The following LHX5 variants were observed in gnomAD, a reference collection of about 807,000 sequenced individuals.
LHX5 encodes LIM homeobox 5.
In LHX5, 5 loss-of-function variants were observed where a neutral mutation model predicts 30.6. The observed-to-expected ratio is 0.16, with a 90% CI of 0.09 to 0.34. The LOEUF is 0.34. Among genes scored for constraint, LHX5 ranks in the 10% least tolerant of loss-of-function variants. The pLI, the probability that LHX5 is intolerant of heterozygous loss-of-function variation, is 1.00. For missense variants in LHX5, 458 were observed against 570.6 expected (o/e 0.80, Z 2.01); for synonymous variants, 266 against 252.6 (o/e 1.05, Z -0.50).
Position 113,465,451 on chromosome 12 carries a change from C to G in LHX5, c.841+1805G>C, listed in dbSNP as rs1958207731. Among the ~76,000 whole-genome samples, 1 of 152,222 alleles carries G rather than the reference C, an allele frequency of 6.6e-6. No homozygotes were observed. The highest frequency in any genetic ancestry group is 1.5e-5 in the Non-Finnish European group (1 of 68,032). ...CCGCAGCTGGGGCTTTGTCCGCGCT[C>G]CCACGGGGAGCCGCCGGCCCCGCCG... On this transcript the variant is annotated intron_variant, in intron 4 of 4. Transcript: ENST00000261731. The surrounding 1 kb of genome is among the most constrained non-coding windows in gnomAD (Gnocchi z 6.7).
rs1194679332 is a variant in LHX5, at chr12:113,469,382, C to T, written c.174-37G>A. On this transcript the variant is annotated intron_variant, in intron 1 of 4. Coordinates refer to ENST00000261731, the MANE Select transcript of LHX5 (RefSeq NM_022363.3). Reference sequence around the variant, plus strand: ...ATGTGCCTGTCACTATGGGGTGGGACTGCATCCAGCCCTCCCCAGCCCCTG... The same window carrying T: ...ATGTGCCTGTCACTATGGGGTGGGATTGCATCCAGCCCTCCCCAGCCCCTG... 3 of 1,572,974 alleles carry T rather than the reference C, an allele frequency of 1.9e-6. No individual in the cohort carries two copies. The Admixed American group carries it at 5.1e-5, about 27-fold the overall frequency.
In LHX5 at chr12:113,471,495, T is replaced by A; in HGVS notation, c.4A>T (p.Met2Leu). The A allele has an allele frequency of 6.3e-7, 1 of 1,597,286 alleles. No individual in the cohort carries two copies. Among genetic ancestry groups the A allele is most frequent in the Non-Finnish European group, 8.5e-7 (1 of 1,171,868 alleles). Residue 2 changes from methionine (M) to leucine (L), a missense_variant, in exon 1 of 5, where the codon ATG (methionine) becomes TTG (leucine). Physicochemically the swap from Met to Leu is conservative, Grantham distance 15. Transcript: ENST00000261731. M[M>L]VHCAGCERPI... ...CGCTCGCAACCGGCGCAGTGCACCA[T>A]CATAGCCCCGCGCCCCGGCGGCTTC...
In LHX5 at chr12:113,468,352, C is replaced by G; in HGVS notation, c.450G>C (p.Gln150His). The G allele has an allele frequency of 6.2e-7, 1 of 1,614,120 alleles. No homozygotes were observed. Among genetic ancestry groups the G allele is most frequent in the Non-Finnish European group, 8.5e-7 (1 of 1,179,962 alleles). The change falls in exon 3 of 5, where the codon CAG (glutamine) becomes CAC (histidine). Residue 150 changes from glutamine to histidine, a missense_variant. By Grantham distance (24) the Gln-to-His change is conservative. This residue lies in a region of LHX5 where 178 missense variants were observed against 238.5 expected (regional missense o/e 0.75). Coordinates refer to ENST00000261731, the MANE Select transcript of LHX5 (RefSeq NM_022363.3). ...SLSPDLQDAL[Q>H]DDPKETDNST... ...AGTTGTCCGTCTCTTTGGGGTCGTC[C>G]TGCAGTGCGTCCTGGAGGTCCGGGG...
Position 113,462,853 on chromosome 12 carries a change from C to T in LHX5, c.*337G>A. On this transcript the variant is annotated 3_prime_UTR_variant, in exon 5 of 5. Transcript: ENST00000261731. The stretch of plus-strand genomic sequence containing the variant: ...TCTCAGTCCAAAGAGGTGGCGGTGG[C>T]TGGGTGGGTGGGTGGGGGCCCGGGG... The T allele has an allele frequency of 1.5e-5, 1 of 68,936 alleles. No individual in the cohort carries two copies. The highest frequency in any genetic ancestry group is 2.2e-4 in the South Asian group (1 of 4,562). 4.3% of individuals were successfully genotyped at this position (68,936 alleles called of 1,614,324 possible).
At position 113,468,404 on chromosome 12, in the gene LHX5, A is replaced by C; in HGVS notation, c.398T>G (p.Val133Gly). The change falls in exon 3 of 5, where the codon GTG becomes GGG. Residue 133 changes from valine (V) to glycine (G), a missense_variant and splice_region_variant. Coordinates refer to ENST00000261731, the MANE Select transcript of LHX5 (RefSeq NM_022363.3). Reference protein sequence around the residue: ...SSLKEGSLNSVSSCTDRSLSP... With the variant: ...SSLKEGSLNSGSSCTDRSLSP... ...CAAACTGCGGTCCGTACAGGATGAC[A>C]CTGCGGGCGGACGGATCGGGAAGGG... 4 of 1,605,728 alleles carry C rather than the reference A, an allele frequency of 2.5e-6. No homozygotes were observed. Among genetic ancestry groups the C allele is most frequent in the Non-Finnish European group, 3.4e-6 (4 of 1,173,482 alleles).
rs959579032 is a variant in LHX5 at position 113,467,234 on chromosome 12, C to T, written c.841+22G>A. The stretch of plus-strand genomic sequence containing the variant: ...CCGGAATAGGACAGGTGCGGAACAG[C>T]GAATCCCGGGGCGCCCCTTACCTCC... On this transcript the variant is annotated intron_variant, in intron 4 of 4. Coordinates refer to ENST00000261731, the MANE Select transcript of LHX5 (RefSeq NM_022363.3). The surrounding 1 kb of genome is among the most constrained non-coding windows in gnomAD (Gnocchi z 6.3). 1.4e-6 allele frequency: 2 copies of T among 1,425,302 alleles called. No individual in the cohort carries two copies. The highest frequency in any genetic ancestry group is 1.9e-6 in the Non-Finnish European group (2 of 1,077,702). The allele number at this position is 1,425,302 out of a possible 1,614,324, so 88.3% of individuals were successfully genotyped here. A position where few individuals can be genotyped will look rare whatever the true frequency, so the allele number is the denominator to read the frequency against.
rs1958193650 is a variant in LHX5 at position 113,463,701 on chromosome 12, C to T, written c.842-144G>A. The T allele has an allele frequency of 1.2e-6, 1 of 829,908 alleles. No homozygotes were observed. Among genetic ancestry groups the T allele is most frequent in the Non-Finnish European group, 1.8e-6 (1 of 554,706 alleles). 51.4% of individuals were successfully genotyped at this position (829,908 alleles called of 1,614,324 possible). On this transcript the variant is annotated intron_variant, in intron 4 of 4. Coordinates refer to ENST00000261731, the MANE Select transcript of LHX5 (RefSeq NM_022363.3). This position sits in a 1 kb window ranked among gnomAD's most constrained non-coding sequence, Gnocchi z 6.7. Reference sequence around the variant, plus strand: ...CCAAGGTTAGAGAGACCTGCGGAGGCCGGCGCCCCTTGAGACGGTGGACGT... The same window carrying T: ...CCAAGGTTAGAGAGACCTGCGGAGGTCGGCGCCCCTTGAGACGGTGGACGT...
rs1006682823 is a variant in LHX5 at position 113,467,606 on chromosome 12, G to A, written c.676-185C>T. Among the ~76,000 whole-genome samples, 3 of 152,244 alleles carry A rather than the reference G, an allele frequency of 2.0e-5. No homozygotes were observed. The highest frequency in any genetic ancestry group is 7.2e-5 in the African/African-American group (3 of 41,474). On this transcript the variant is annotated intron_variant, in intron 3 of 4. Coordinates refer to ENST00000261731, the MANE Select transcript of LHX5 (RefSeq NM_022363.3). This position sits in a 1 kb window ranked among gnomAD's most constrained non-coding sequence, Gnocchi z 6.3. ...AGAGAGGCTTCGGCGAACCAGCCAAGGGTGAAGGATTTCGCGGACCCGTGG... is the reference window on the plus strand; with the variant it reads ...AGAGAGGCTTCGGCGAACCAGCCAAAGGTGAAGGATTTCGCGGACCCGTGG...
In LHX5 at chr12:113,463,156, C is replaced by T. The variant is rs1305662041; in HGVS notation, c.*34G>A. 57 of 1,468,664 alleles carry T rather than the reference C, an allele frequency of 3.9e-5. No homozygotes were observed. Among genetic ancestry groups the T allele is most frequent in the Non-Finnish European group, 4.9e-5 (55 of 1,120,462 alleles). The allele number at this position is 1,468,664 out of a possible 1,614,324, so 91.0% of individuals were successfully genotyped here. ...AGGAGGCTGCTTCGGGGCGGGGCCC[C>T]CGGGGGCCGAGCGCGGGGGGCGGCC... On this transcript the variant is annotated 3_prime_UTR_variant, in exon 5 of 5. Coordinates refer to ENST00000261731, the MANE Select transcript of LHX5 (RefSeq NM_022363.3). The surrounding 1 kb of genome is among the most constrained non-coding windows in gnomAD (Gnocchi z 6.7).
In LHX5 at chr12:113,463,178, G is replaced by A; in HGVS notation, c.*12C>T. 6.7e-7 allele frequency: 1 copy of A among 1,493,954 alleles called. No homozygotes were observed. The highest frequency in any genetic ancestry group is 8.8e-7 in the Non-Finnish European group (1 of 1,130,862). 92.5% of individuals were successfully genotyped at this position (1,493,954 alleles called of 1,614,324 possible). A position where few individuals can be genotyped will look rare whatever the true frequency, so the allele number is the denominator to read the frequency against. Reference sequence around the variant, plus strand: ...CCCCCGGGGGCCGAGCGCGGGGGGCGGCCCGGCGGCCTTACCACACGGCGG... The same window carrying A: ...CCCCCGGGGGCCGAGCGCGGGGGGCAGCCCGGCGGCCTTACCACACGGCGG... On this transcript the variant is annotated 3_prime_UTR_variant, in exon 5 of 5. Transcript: ENST00000261731. This position sits in a 1 kb window ranked among gnomAD's most constrained non-coding sequence, Gnocchi z 6.7.
chr12:113,471,265 G>A, intron 1 of LHX5, 61 bp downstream of exon 1: 6 of 1,570,010 alleles, frequency 3.8e-6, no homozygotes, highest in Non-Finnish European at 4.4e-6. Context: ...CCCTTCCCCA[G>A]CGCCCCAGTG....
Position 113,464,121 on chromosome 12 carries a change from G to C in LHX5, c.842-564C>G, listed in dbSNP as rs1256586370. On this transcript the variant is annotated intron_variant, in intron 4 of 4. Coordinates refer to ENST00000261731, the MANE Select transcript of LHX5 (RefSeq NM_022363.3). This position sits in a 1 kb window ranked among gnomAD's most constrained non-coding sequence, Gnocchi z 6.2. Reference sequence around the variant, plus strand: ...CGCGGAGGAGTCGAGGAGACGCAGAGAGAGGAAAGACGGCCGCGGTTAGAG... The same window carrying C: ...CGCGGAGGAGTCGAGGAGACGCAGACAGAGGAAAGACGGCCGCGGTTAGAG... 5.3e-5 allele frequency among the ~76,000 whole-genome samples: 8 copies of C among 152,214 alleles called. No individual in the cohort carries two copies. The highest frequency in any genetic ancestry group is 8.8e-5 in the Non-Finnish European group (6 of 68,040).
Position 113,462,333 on chromosome 12 carries a change from GGGCA to G in LHX5, c.*853_*856del, listed in dbSNP as rs1958178486. On this transcript the variant is annotated 3_prime_UTR_variant, in exon 5 of 5. Coordinates refer to ENST00000261731, the MANE Select transcript of LHX5 (RefSeq NM_022363.3). ...CCTGACGGCCCAGCCTCCAGGCCCT[GGGCA>G]GGGAGGGTGGTCTGTGGGTCTGAGC... The G allele has an allele frequency of 6.6e-6, 1 of 152,232 alleles. No individual in the cohort carries two copies. The highest frequency in any genetic ancestry group is 1.9e-4 in the East Asian group (1 of 5,190). The allele number at this position is 152,232 out of a possible 1,614,324, so 9.4% of individuals were successfully genotyped here. A position where few individuals can be genotyped will look rare whatever the true frequency, so the allele number is the denominator to read the frequency against.
In LHX5 at chr12:113,464,047, A is replaced by G. The variant is rs11066568; in HGVS notation, c.842-490T>C. 2.0e-5 allele frequency among the ~76,000 whole-genome samples: 3 copies of G among 152,058 alleles called. No individual in the cohort carries two copies. The highest frequency in any genetic ancestry group is 4.8e-5 in the African/African-American group (2 of 41,430). On this transcript the variant is annotated intron_variant, in intron 4 of 4. Coordinates refer to ENST00000261731, the MANE Select transcript of LHX5 (RefSeq NM_022363.3). This position sits in a 1 kb window ranked among gnomAD's most constrained non-coding sequence, Gnocchi z 6.2. ...AGAGAAAGGCGGAAAAGAGACCCAG[A>G]GACGCGGAGTCCGCGGCTGAGACCC...
Position 113,463,563 on chromosome 12 carries a change from G to T in LHX5, c.842-6C>A. 6.6e-7 allele frequency: 1 copy of T among 1,521,770 alleles called. No homozygotes were observed. Among genetic ancestry groups the T allele is most frequent in the Non-Finnish European group, 8.8e-7 (1 of 1,141,832 alleles). 94.3% of individuals were successfully genotyped at this position (1,521,770 alleles called of 1,614,324 possible). On this transcript the variant is annotated splice_region_variant and splice_polypyrimidine_tract_variant and intron_variant, in intron 4 of 4. Coordinates refer to ENST00000261731, the MANE Select transcript of LHX5 (RefSeq NM_022363.3). The surrounding 1 kb of genome is among the most constrained non-coding windows in gnomAD (Gnocchi z 6.7). ...GTAGTAGTCGCCTTGGTAGTCTGCG[G>T]AGGGGGAGCGGGAAGGAGACAGGGC...
Position 113,463,202 on chromosome 12 carries a change from G to T in LHX5, c.1197C>A (p.Ala399=). The T allele has an allele frequency of 1.3e-6, 2 of 1,517,570 alleles. No homozygotes were observed. Among genetic ancestry groups the T allele is most frequent in the Non-Finnish European group, 1.8e-6 (2 of 1,139,034 alleles). 94.0% of individuals were successfully genotyped at this position (1,517,570 alleles called of 1,614,324 possible). The change falls in exon 5 of 5, where the codon GCC becomes GCA. Residue 399 remains alanine (A), a synonymous_variant. Coordinates refer to ENST00000261731, the MANE Select transcript of LHX5 (RefSeq NM_022363.3). The surrounding 1 kb of genome is among the most constrained non-coding windows in gnomAD (Gnocchi z 6.7). ...CGGCCCGGCGGCCTTACCACACGGC[G>T]GCTTCGTTGAGCTCGGGGTTGGGAT... ...LSHPNPELNE[A]AVW is the part of the protein sequence containing the mutation.
Position 113,471,314 on chromosome 12 carries a change from G to A in LHX5, c.173+12C>T. ...GTGGGCGCGCAGGCAGCAGAGCGGCGCGGCCTCTTACCTGAAAAAGTCATT... is the reference window on the plus strand; with the variant it reads ...GTGGGCGCGCAGGCAGCAGAGCGGCACGGCCTCTTACCTGAAAAAGTCATT... On this transcript the variant is annotated intron_variant, in intron 1 of 4. Coordinates refer to ENST00000261731, the MANE Select transcript of LHX5 (RefSeq NM_022363.3). 1 of 1,612,690 alleles carries A rather than the reference G, an allele frequency of 6.2e-7. No homozygotes were observed. Among genetic ancestry groups the A allele is most frequent in the Non-Finnish European group, 8.5e-7 (1 of 1,179,662 alleles).
In LHX5 at chr12:113,467,580, G is replaced by A. The variant is rs1958222829; in HGVS notation, c.676-159C>T. On this transcript the variant is annotated intron_variant, in intron 3 of 4. Coordinates refer to ENST00000261731, the MANE Select transcript of LHX5 (RefSeq NM_022363.3). This position sits in a 1 kb window ranked among gnomAD's most constrained non-coding sequence, Gnocchi z 6.3. ...GGGCCGGATTAGGCCGGGAGGGGTGGAGAGAGGCTTCGGCGAACCAGCCAA... is the reference window on the plus strand; with the variant it reads ...GGGCCGGATTAGGCCGGGAGGGGTGAAGAGAGGCTTCGGCGAACCAGCCAA... Among the ~76,000 whole-genome samples the A allele has an allele frequency of 6.6e-6, 1 of 152,240 alleles. No homozygotes were observed. The highest frequency in any genetic ancestry group is 2.4e-5 in the African/African-American group (1 of 41,474).
At chr12:113,469,054 G>C in intron 2 of LHX5, 68 bp downstream of exon 2, 2 of 1,208,242 alleles carry the variant, frequency 1.7e-6, no homozygotes, top group Non-Finnish European at 2.3e-6. Context: ...GCCAAGTAGG[G>C]AGTGCCAGGC....
Sources: gnomAD v4.1 joint callset for allele counts (sites outside exome capture counted in the v4.1 genomes callset) on GRCh38, gnomAD v4.1.1 for gene constraint, gnomAD v4.1.1 regional missense constraint, Gnocchi (gnomAD v3.1) non-coding constraint, MANE v1.5 for transcripts, NCBI Gene and HGNC (gene_info 2026-07-23, HGNC 2026-07-21) for gene names.